Variants in CLTA observed in about 807,000 individuals in gnomAD.
CLTA encodes clathrin, light polypeptide (Lca).
In CLTA, 9 loss-of-function variants were observed where a neutral mutation model predicts 26.9. The observed-to-expected ratio is 0.33, with a 90% CI of 0.20 to 0.58. The LOEUF is 0.58. CLTA is among the 20% of genes least tolerant of loss of function. The pLI, the probability that CLTA is intolerant of heterozygous loss-of-function variation, is 0.85. For missense variants in CLTA, 278 were observed against 294.2 expected, an observed-to-expected ratio of 0.94 and a Z score of 0.40; for synonymous variants, 120 against 115.5, an observed-to-expected ratio of 1.04 and a Z score of -0.25.
intron 4 of CLTA, chr9:36,210,624 G>A: frequency 6.2e-7 from 1 of 1,614,110 alleles, no homozygotes; most frequent in South Asian, 1.1e-5. Flanking sequence ...TCACCTTTAA[G>A]CACAAACATA....
chr9:36,199,081 C>A lies in CLTA; in HGVS notation c.358C>A (p.Arg120Ser). The A allele has an allele frequency of 1.2e-6, 2 of 1,610,854 alleles. No homozygotes were observed. Among genetic ancestry groups the A allele is most frequent in the Non-Finnish European group, 1.7e-6 (2 of 1,177,108 alleles). The part of the protein sequence containing the change: ...IRKWREEQME[R>S]LEALDANSRK... The stretch of plus-strand genomic sequence containing the variant: ...TAAATGGAGAGAAGAACAAATGGAA[C>A]GCTTGGAAGCCCTTGGTAAGGAATC... The change falls in exon 3 of 5, where the codon CGC becomes AGC. Residue 120 changes from arginine (R) to serine (S), a missense_variant. Physicochemically the swap from Arg to Ser is moderately radical, Grantham distance 110. Coordinates refer to ENST00000345519, the MANE Select transcript of CLTA (RefSeq NM_001833.4).
At chr9:36,199,166 C>G in intron 3 of CLTA, 70 bp downstream of exon 3, 1 of 976,940 alleles carries the variant, frequency 1.0e-6, no homozygotes, top group Non-Finnish European at 1.7e-6. Context: ...TACTTTTATT[C>G]CTTTTTAGCT....
chr9:36,202,097 C>T (rs1827448014), intron 3 of CLTA, among the ~76,000 whole-genome samples: 2 of 151,948 alleles, frequency 1.3e-5, no homozygotes, highest in South Asian at 2.1e-4. Flanking sequence ...GGCTACAGAG[C>T]GAGACCCTAT....
At chr9:36,209,930 AG>A (rs368511118) in intron 4 of CLTA, among the ~76,000 whole-genome samples, 37 of 152,290 alleles carry the variant, frequency 2.4e-4, no homozygotes, top group African/African-American at 8.7e-4. Context: ...ATTGCTATTT[AG>A]TGGTCAGCTT....
At chr9:36,200,412 T>C (rs1461241589) in intron 3 of CLTA, among the ~76,000 whole-genome samples, 2 of 152,254 alleles carry the variant, frequency 1.3e-5, no homozygotes, top group East Asian at 3.8e-4. Flanking sequence ...TATTTCAATG[T>C]ACACCTCCTA....
chr9:36,203,917 GT>G, intron 3 of CLTA, 150 bp from the exon 4 acceptor site: 1 of 1,074,984 alleles, frequency 9.3e-7, no homozygotes, highest in African/African-American at 1.6e-5. Flanking sequence ...GAAAACAGAA[GT>G]TTATCTTCCC....
chr9:36,193,761 A>C (rs1254971981), intron 1 of CLTA, among the ~76,000 whole-genome samples: 1 of 152,158 alleles, frequency 6.6e-6, no homozygotes, highest in Admixed American at 6.6e-5. Context: ...GCACAGGCAA[A>C]AACCAGAGGG....
At chr9:36,194,927 C>A (rs574607670) in intron 1 of CLTA, among the ~76,000 whole-genome samples, 2 of 152,258 alleles carry the variant, frequency 1.3e-5, no homozygotes, top group African/African-American at 4.8e-5. Context: ...TCTGGAGGAG[C>A]CTTCAGACAG....
At chr9:36,207,974 T>C (rs954710438) in intron 4 of CLTA, among the ~76,000 whole-genome samples, 1 of 152,208 alleles carries the variant, frequency 6.6e-6, no homozygotes, top group Non-Finnish European at 1.5e-5. Flanking sequence ...ATCAGCCTGC[T>C]CTTTTTGCTT....
rs926086513 is a variant in CLTA, at chr9:36,190,940, C to T, written c.-117C>T. Reference sequence around the variant, plus strand: ...GGGCTTCCGCTTTACCCGTCTCCCTCCTGGCGCTTGTCCTCCTCTCCCAGT... The same window carrying T: ...GGGCTTCCGCTTTACCCGTCTCCCTTCTGGCGCTTGTCCTCCTCTCCCAGT... On this transcript the variant is annotated 5_prime_UTR_variant, in exon 1 of 5. Coordinates refer to ENST00000345519, the MANE Select transcript of CLTA (RefSeq NM_001833.4). 1.6e-5 allele frequency: 23 copies of T among 1,423,096 alleles called. No homozygotes were observed. The highest frequency in any genetic ancestry group is 6.0e-5 in the African/African-American group (4 of 67,152). The allele number at this position is 1,423,096 out of a possible 1,614,324, so 88.2% of individuals were successfully genotyped here.
At chr9:36,206,740 C>G (rs547058919) in intron 4 of CLTA, among the ~76,000 whole-genome samples, 2 of 151,702 alleles carry the variant, frequency 1.3e-5, no homozygotes, top group African/African-American at 2.4e-5. Context: ...ACTAAAAATG[C>G]GAAAATTAAC....
intron 1 of CLTA, 130 bp from the exon 2 acceptor site, chr9:36,197,421 C>T (rs1221959617): frequency 4.9e-6 from 3 of 609,960 alleles, no homozygotes; most frequent in South Asian, 4.9e-5. Flanking sequence ...TTGTATATAG[C>T]ACCTACCACA....
intron 1 of CLTA, among the ~76,000 whole-genome samples, chr9:36,191,630 A>C (rs1009389378): frequency 6.6e-6 from 1 of 152,190 alleles, no homozygotes; most frequent in Non-Finnish European, 1.5e-5. Context: ...CAGACTTATA[A>C]GCTTATAAGT....
chr9:36,211,967 G>A lies in CLTA; in HGVS notation c.*193G>A, dbSNP rs1828073658. On this transcript the variant is annotated 3_prime_UTR_variant, in exon 5 of 5. Coordinates refer to ENST00000345519, the MANE Select transcript of CLTA (RefSeq NM_001833.4). Reference sequence around the variant, plus strand: ...CCTGGCATTCAGAGAGGAGGGAGAGGAGGAAGAGGAAGGGGAGGGAAGCTT... The same window carrying A: ...CCTGGCATTCAGAGAGGAGGGAGAGAAGGAAGAGGAAGGGGAGGGAAGCTT... 2.9e-6 allele frequency: 2 copies of A among 701,700 alleles called. No homozygotes were observed. Among genetic ancestry groups the A allele is most frequent in the Non-Finnish European group, 5.1e-6 (2 of 390,696 alleles). 43.5% of individuals were successfully genotyped at this position (701,700 alleles called of 1,614,324 possible).
At chr9:36,210,259 G>A (rs1827965227) in intron 4 of CLTA, among the ~76,000 whole-genome samples, 1 of 152,156 alleles carries the variant, frequency 6.6e-6, no homozygotes, top group East Asian at 1.9e-4. Context: ...GAAGGTGGGC[G>A]ATGAGCTCAG....
chr9:36,204,201 C>A, intron 4 of CLTA, 22 bp downstream of exon 4: 1 of 1,597,440 alleles, frequency 6.3e-7, no homozygotes, highest in East Asian at 2.3e-5. Flanking sequence ...GTGGTTGTAG[C>A]ACACTTTGTT....
chr9:36,195,506 G>GT (rs1826969873), intron 1 of CLTA, among the ~76,000 whole-genome samples: 1 of 151,994 alleles, frequency 6.6e-6, no homozygotes, highest in Non-Finnish European at 1.5e-5. Flanking sequence ...GCCACCATGA[G>GT]TTTGTTTTTT....
At chr9:36,210,489 C>A in intron 4 of CLTA, 1 of 1,417,360 alleles carries the variant, frequency 7.1e-7, no homozygotes, top group Non-Finnish European at 9.6e-7. Flanking sequence ...GCCAGCAAAG[C>A]CAGCTGCACG....
At chr9:36,202,817 T>TC (rs1419419610) in intron 3 of CLTA, among the ~76,000 whole-genome samples, 1 of 151,164 alleles carries the variant, frequency 6.6e-6, no homozygotes, top group Non-Finnish European at 1.5e-5. Flanking sequence ...GACATGTATT[T>TC]CTTTTTTTTT....
Sources: gnomAD v4.1 joint callset for allele counts (sites outside exome capture counted in the v4.1 genomes callset) on GRCh38, gnomAD v4.1.1 for gene constraint, MANE v1.5 for transcripts, NCBI Gene and HGNC (gene_info 2026-07-23, HGNC 2026-07-21) for gene names.